EXOC4: variants seen among roughly 807,000 people sequenced by gnomAD.
EXOC4 encodes exocyst complex component 4, also known as SEC8-like 1.
In EXOC4, 71 loss-of-function variants were observed where a neutral mutation model predicts 107.2. The observed-to-expected ratio is 0.66, with a 90% CI of 0.55 to 0.81. The LOEUF is 0.81. Ranked by LOEUF, EXOC4 falls within the 30% of genes least tolerant of loss-of-function variation. The pLI, the probability that EXOC4 is intolerant of heterozygous loss-of-function variation, is 0.00. For synonymous variants in EXOC4, 456 were observed against 441.2 expected (o/e 1.03, Z -0.42); for missense variants, 1,108 against 1,189.6 (o/e 0.93, Z 1.01).
At chr7:133,907,367 T>C (rs1799589272) in intron 12 of EXOC4, among the ~76,000 whole-genome samples, 1 of 117,438 alleles carries the variant, frequency 8.5e-6, no homozygotes, top group Non-Finnish European at 1.7e-5. Flanking sequence ...GGTTTAACTG[T>C]CTTTCTTTAA....
At chr7:133,751,111 AG>A (rs1303578807) in intron 10 of EXOC4, among the ~76,000 whole-genome samples, 3 of 152,212 alleles carry the variant, frequency 2.0e-5, no homozygotes, top group African/African-American at 7.2e-5. Context: ...AATATTTGGA[AG>A]GCCAGCTTAT....
At chr7:133,330,764 G>T (rs927902658) in intron 5 of EXOC4, among the ~76,000 whole-genome samples, 1 of 151,962 alleles carries the variant, frequency 6.6e-6, no homozygotes, top group Admixed American at 6.6e-5. Flanking sequence ...GCTTTGGCTC[G>T]CCCTTGGTGG....
chr7:133,485,735 A>G (rs996426786), intron 9 of EXOC4, among the ~76,000 whole-genome samples: 2 of 152,190 alleles, frequency 1.3e-5, no homozygotes, highest in Non-Finnish European at 1.5e-5. Flanking sequence ...GCTTTAAGAC[A>G]TATATGATGA....
At chr7:133,762,100 T>G (rs1796044440) in intron 10 of EXOC4, among the ~76,000 whole-genome samples, 2 of 152,186 alleles carry the variant, frequency 1.3e-5, no homozygotes, top group South Asian at 4.1e-4. Flanking sequence ...GAGCTCTGAG[T>G]GGAATCCATG....
At chr7:133,475,832 C>G (rs1360928750) in intron 8 of EXOC4, among the ~76,000 whole-genome samples, 1 of 152,152 alleles carries the variant, frequency 6.6e-6, no homozygotes, top group East Asian at 1.9e-4. Flanking sequence ...AAGAAACAAC[C>G]TTTGTTAATA....
At chr7:134,051,507 C>T (rs1469659893) in intron 17 of EXOC4, among the ~76,000 whole-genome samples, 1 of 151,836 alleles carries the variant, frequency 6.6e-6, no homozygotes, top group African/African-American at 2.4e-5. Flanking sequence ...CCTGTCTCTA[C>T]TAAAAATACA....
chr7:133,440,691 C>T (rs1319697758), intron 7 of EXOC4, among the ~76,000 whole-genome samples: 1 of 152,170 alleles, frequency 6.6e-6, no homozygotes, highest in Non-Finnish European at 1.5e-5. Flanking sequence ...CTCTGGTGGT[C>T]CTCACTGCTA....
intron 5 of EXOC4, among the ~76,000 whole-genome samples, chr7:133,348,727 A>G (rs1325068935): frequency 2.0e-5 from 3 of 152,154 alleles, no homozygotes; most frequent in Non-Finnish European, 4.4e-5. Flanking sequence ...GTTTTGCTGG[A>G]TGGAGTACTT....
chr7:133,723,681 G>A (rs1033330242), intron 10 of EXOC4, among the ~76,000 whole-genome samples: 1 of 152,136 alleles, frequency 6.6e-6, no homozygotes, highest in Non-Finnish European at 1.5e-5. Flanking sequence ...AGTAGAAACG[G>A]GGTTTCACTA....
intron 13 of EXOC4, among the ~76,000 whole-genome samples, chr7:133,926,456 G>A (rs531220474): frequency 6.6e-6 from 1 of 151,690 alleles, no homozygotes; most frequent in Admixed American, 6.6e-5. Context: ...TCTAGATTTT[G>A]TTATCATTGG....
At chr7:133,564,439 T>G (rs745999084) in intron 9 of EXOC4, among the ~76,000 whole-genome samples, 12 of 152,072 alleles carry the variant, frequency 7.9e-5, no homozygotes, top group Non-Finnish European at 1.5e-4. Context: ...GGGAGTAAAA[T>G]TTTTCTACAT....
chr7:133,875,093 A>G (rs920891511), intron 11 of EXOC4, among the ~76,000 whole-genome samples: 1 of 152,232 alleles, frequency 6.6e-6, no homozygotes, highest in Non-Finnish European at 1.5e-5. Flanking sequence ...AGCATTTCAG[A>G]CCACCTCTGG....
chr7:133,732,019 T>G (rs1392864758), intron 10 of EXOC4, among the ~76,000 whole-genome samples: 1 of 152,130 alleles, frequency 6.6e-6, no homozygotes, highest in African/African-American at 2.4e-5. Flanking sequence ...CTATTCACAA[T>G]AGCAAAGACA....
chr7:133,334,866 C>T (rs1795475893), intron 5 of EXOC4, among the ~76,000 whole-genome samples: 1 of 152,106 alleles, frequency 6.6e-6, no homozygotes, highest in Admixed American at 6.6e-5. Flanking sequence ...GGATAATGGC[C>T]TCCAGCTCCA....
At chr7:133,983,962 T>G (rs539849884) in intron 14 of EXOC4, among the ~76,000 whole-genome samples, 1 of 152,166 alleles carries the variant, frequency 6.6e-6, no homozygotes, top group South Asian at 2.1e-4. Context: ...AAATGATGAG[T>G]TTTTTTACCA....
chr7:133,562,050 A>G lies in EXOC4; in HGVS notation c.1418-67995A>G, dbSNP rs140845508. The stretch of plus-strand genomic sequence containing the variant: ...TTGCAACCAGAAATATGCCATAACA[A>G]CTCAGCTCTTGTTTATGTCAGTTAG... On this transcript the variant is annotated intron_variant, in intron 9 of 17. Coordinates refer to ENST00000253861, the MANE Select transcript of EXOC4 (RefSeq NM_021807.4). 1.8e-3 allele frequency among the ~76,000 whole-genome samples: 267 copies of G among 152,336 alleles called. 1 individual carries two copies. Among genetic ancestry groups the G allele is most frequent in the African/African-American group, 6.0e-3 (249 of 41,574 alleles).
chr7:133,368,645 T>G (rs1796297601), intron 6 of EXOC4, among the ~76,000 whole-genome samples: 1 of 152,204 alleles, frequency 6.6e-6, no homozygotes, highest in African/African-American at 2.4e-5. Flanking sequence ...GTCTATTTAA[T>G]AGAGAGCTGG....
chr7:133,619,952 C>T (rs1208948901), intron 9 of EXOC4, among the ~76,000 whole-genome samples: 2 of 151,156 alleles, frequency 1.3e-5, no homozygotes, highest in Non-Finnish European at 1.5e-5. Context: ...TCTTTCTCTG[C>T]GTGCTGCCTA....
At chr7:133,630,314 C>T in intron 10 of EXOC4, 173 bp downstream of exon 10, 2 of 530,688 alleles carry the variant, frequency 3.8e-6, no homozygotes, top group South Asian at 3.2e-5. Flanking sequence ...CTCAATCCCA[C>T]TGAGTAGCTA....
Sources: allele counts gnomAD v4.1 joint callset (sites outside exome capture counted in the v4.1 genomes callset), GRCh38; gene constraint gnomAD v4.1.1; transcripts MANE v1.5; gene names NCBI Gene and HGNC (gene_info 2026-07-23, HGNC 2026-07-21).